Variants in CRISPLD1 observed in about 807,000 individuals in gnomAD.
CRISPLD1 encodes the protein cysteine rich secretory protein LCCL domain containing 1, also known as cysteine-rich secretory protein LCCL domain-containing 1.
Under a neutral mutation model 77.5 loss-of-function variants are expected in CRISPLD1, and 60 were observed. The observed-to-expected ratio is 0.77, with a 90% CI of 0.63 to 0.96. The LOEUF (loss-of-function observed/expected upper bound fraction) is 0.96, where lower values mean the gene tolerates loss of function less well. CRISPLD1 is among the 40% of genes least tolerant of loss of function. The pLI is 0.00. For missense variants in CRISPLD1, 623 were observed against 615.8 expected (o/e 1.01, Z -0.12); for synonymous variants, 195 against 200.1 (o/e 0.97, Z 0.22).
intron 12 of CRISPLD1, among the ~76,000 whole-genome samples, chr8:75,022,449 C>T (rs1038555888): frequency 6.6e-5 from 10 of 151,682 alleles, no homozygotes; most frequent in Admixed American, 1.3e-4. Context: ...ATTAGCCGGG[C>T]GTGGGGGCGG....
intron 2 of CRISPLD1, among the ~76,000 whole-genome samples, chr8:74,992,046 T>C (rs1467550224): frequency 1.3e-5 from 2 of 152,196 alleles, no homozygotes; most frequent in Non-Finnish European, 2.9e-5. Flanking sequence ...ATAACTAAGC[T>C]TGGTGAATAG....
intron 10 of CRISPLD1, among the ~76,000 whole-genome samples, chr8:75,018,263 T>C (rs1050399393): frequency 1.9e-4 from 24 of 127,770 alleles, no homozygotes; most frequent in Admixed American, 1.6e-3. Flanking sequence ...CTATACAGTC[T>C]TTTTTTTTTA....
At chr8:74,996,201 A>T (rs905347366) in intron 2 of CRISPLD1, among the ~76,000 whole-genome samples, 8 of 151,564 alleles carry the variant, frequency 5.3e-5, no homozygotes, top group African/African-American at 1.9e-4. Context: ...TCTGGTGAAG[A>T]TATTACAGTA....
intron 1 of CRISPLD1, among the ~76,000 whole-genome samples, chr8:74,985,692 A>G (rs1812485145): frequency 6.6e-6 from 1 of 152,042 alleles, no homozygotes; most frequent in Non-Finnish European, 1.5e-5. Context: ...CCTCAGGGGT[A>G]TTATCTTGGA....
chr8:74,992,312 T>G (rs1475880579), intron 2 of CRISPLD1, among the ~76,000 whole-genome samples: 1 of 152,114 alleles, frequency 6.6e-6, no homozygotes, highest in Non-Finnish European at 1.5e-5. Flanking sequence ...TTTTCCCTAG[T>G]TTTTCAAATT....
intron 12 of CRISPLD1, among the ~76,000 whole-genome samples, chr8:75,022,322 C>T (rs1467687534): frequency 1.3e-5 from 2 of 151,884 alleles, no homozygotes; most frequent in Non-Finnish European, 2.9e-5. Flanking sequence ...CGTGGTGGCT[C>T]ACGCCTGTAA....
rs762802764 is a variant in CRISPLD1, at chr8:75,029,419, T to C, written c.1353T>C (p.Ala451=). 1 of 1,613,698 alleles carries C rather than the reference T, an allele frequency of 6.2e-7. No individual in the cohort carries two copies. The highest frequency in any genetic ancestry group is 8.5e-7 in the Non-Finnish European group (1 of 1,179,742). Residue 451 remains alanine (A), a synonymous_variant, in exon 14 of 15, where the codon GCT becomes GCC. Transcript: ENST00000262207. ...LSSICRAAVH[A]GVVRNHGGYV... ...GTATCTGCAGAGCAGCAGTACATGCTGGAGTGGTTCGAAATCACGGTGGTT... is the reference window on the plus strand; with the variant it reads ...GTATCTGCAGAGCAGCAGTACATGCCGGAGTGGTTCGAAATCACGGTGGTT...
intron 2 of CRISPLD1, among the ~76,000 whole-genome samples, chr8:74,989,541 G>T (rs200167677): frequency 6.8e-6 from 1 of 147,474 alleles, no homozygotes; most frequent in African/African-American, 2.5e-5. Context: ...CCATTTTTAT[G>T]TTTTTTTTTT....
intron 13 of CRISPLD1, 49 bp downstream of exon 13, chr8:75,025,670 A>G: frequency 1.1e-6 from 1 of 945,860 alleles, no homozygotes; most frequent in Non-Finnish European, 1.7e-6. Context: ...ATATATATAA[A>G]TGTATAGACA....
At position 75,034,411 on chromosome 8, in the gene CRISPLD1, ATCATT is replaced by A. The variant is rs1329340314; in HGVS notation, c.*2171_*2175del. On this transcript the variant is annotated 3_prime_UTR_variant, in exon 15 of 15. Transcript: ENST00000262207. ...TCAGTGGACGCCATTTTCTGTTATAATCATTTTTGTTATCTAATTTGGGGAAACTA... is the reference window on the plus strand; with the variant it reads ...TCAGTGGACGCCATTTTCTGTTATAATTTGTTATCTAATTTGGGGAAACTA... The A allele has an allele frequency of 2.0e-5, 3 of 152,034 alleles. No individual in the cohort carries two copies. The highest frequency in any genetic ancestry group is 7.2e-5 in the African/African-American group (3 of 41,428). The allele number at this position is 152,034 out of a possible 1,614,324, so 9.4% of individuals were successfully genotyped here. A position where few individuals can be genotyped will look rare whatever the true frequency, so the allele number is the denominator to read the frequency against.
At chr8:75,017,828 C>A (rs537218673) in intron 10 of CRISPLD1, among the ~76,000 whole-genome samples, 8 of 152,090 alleles carry the variant, frequency 5.3e-5, no homozygotes, top group Non-Finnish European at 1.0e-4. Flanking sequence ...GCAACAGTAA[C>A]TTTGTTGATA....
intron 4 of CRISPLD1, among the ~76,000 whole-genome samples, chr8:75,013,722 CT>C (rs2128785466): frequency 6.6e-6 from 1 of 152,084 alleles, no homozygotes; most frequent in Non-Finnish European, 1.5e-5. Context: ...GAGGATGTAA[CT>C]TTTGAATTAT....
At chr8:75,002,684 G>T (rs1038532234) in intron 2 of CRISPLD1, among the ~76,000 whole-genome samples, 1 of 151,838 alleles carries the variant, frequency 6.6e-6, no homozygotes, top group Non-Finnish European at 1.5e-5. Flanking sequence ...ACTCAGAGGG[G>T]CAACACGTTC....
At chr8:74,988,750 G>T (rs540939631) in intron 2 of CRISPLD1, among the ~76,000 whole-genome samples, 103 of 152,162 alleles carry the variant, frequency 6.8e-4, no homozygotes, top group African/African-American at 2.4e-3. Flanking sequence ...CACCAGAATC[G>T]CTTGAACCCA....
chr8:74,990,690 C>T (rs1323251882), intron 2 of CRISPLD1, among the ~76,000 whole-genome samples: 1 of 151,552 alleles, frequency 6.6e-6, no homozygotes, highest in Non-Finnish European at 1.5e-5. Flanking sequence ...CTGCCTTATC[C>T]TTTTCCTCCA....
rs757296356 is a variant in CRISPLD1, at chr8:75,014,705, A to G, written c.627-107A>G. 7.2e-6 allele frequency: 5 copies of G among 693,492 alleles called. No homozygotes were observed. The African/African-American group carries it at 7.6e-5, about 11-fold the overall frequency. 43.0% of individuals were successfully genotyped at this position (693,492 alleles called of 1,614,324 possible). On this transcript the variant is annotated intron_variant, in intron 5 of 14. Transcript: ENST00000262207. ...TAAATTATATGAATGTCTTAAATCT[A>G]TACGCCAAAATAATTACTTAGAATG...
At position 75,007,663 on chromosome 8, in the gene CRISPLD1, C is replaced by CTTTTTT. The variant is rs34289550; in HGVS notation, c.259-4751_259-4746dup. On this transcript the variant is annotated intron_variant, in intron 2 of 14. Coordinates refer to ENST00000262207, the MANE Select transcript of CRISPLD1 (RefSeq NM_031461.6). ...TGGGATTACAGACGTGAACCATCGACTTTTTTTTTTTTTTTTTTTTTTTTA... is the reference window on the plus strand; with the variant it reads ...TGGGATTACAGACGTGAACCATCGACTTTTTTTTTTTTTTTTTTTTTTTTTTTTTTA... 4.5e-3 allele frequency among the ~76,000 whole-genome samples: 406 copies of CTTTTTT among 89,258 alleles called. 15 individuals carry two copies. The highest frequency in any genetic ancestry group is 0.013 in the African/African-American group (277 of 20,896). The allele number at this position is 89,258 out of a possible 152,430, so 58.6% of individuals were successfully genotyped here.
At chr8:75,012,318 T>C (rs1324810569) in intron 2 of CRISPLD1, 115 bp from the exon 3 acceptor site, 1 of 696,406 alleles carries the variant, frequency 1.4e-6, no homozygotes, top group Non-Finnish European at 2.6e-6. Flanking sequence ...ATCCAGACTA[T>C]GATGTTGACT....
Position 75,016,881 on chromosome 8 carries a change from C to T in CRISPLD1, c.869C>T (p.Ser290Phe). 6.4e-7 allele frequency: 1 copy of T among 1,566,920 alleles called. No individual in the cohort carries two copies. Among genetic ancestry groups the T allele is most frequent in the Middle Eastern group, 2.3e-4 (1 of 4,380 alleles). Reference sequence around the variant, plus strand: ...TATTTAGGTATTTTTTTCTTTGTAGCCCAAATTGTTTCTTGTGAAGTAAGA... The same window carrying T: ...TATTTAGGTATTTTTTTCTTTGTAGTCCAAATTGTTTCTTGTGAAGTAAGA... ...RNEVISAQQM[S>F]QIVSCEVRLR... The change falls in exon 8 of 15, where the codon TCC becomes TTC. Residue 290 changes from serine to phenylalanine, a missense_variant and splice_region_variant. Ser to Phe is a radical substitution (Grantham distance 155). Coordinates refer to ENST00000262207, the MANE Select transcript of CRISPLD1 (RefSeq NM_031461.6).
Sources: allele counts gnomAD v4.1 joint callset (sites outside exome capture counted in the v4.1 genomes callset), GRCh38; gene constraint gnomAD v4.1.1; transcripts MANE v1.5; gene names NCBI Gene and HGNC (gene_info 2026-07-23, HGNC 2026-07-21).